The following CMPK2 variants were observed in gnomAD, a reference collection of about 807,000 sequenced individuals.
The protein encoded by CMPK2 is cytidine/uridine monophosphate kinase 2, also known as UMP-CMP kinase 2, mitochondrial.
Under a neutral mutation model 33.4 loss-of-function variants are expected in CMPK2, and 32 were observed. The ratio of observed to expected loss-of-function variants is 0.96; its 90% CI spans 0.72 to 1.29. CMPK2 has a LOEUF of 1.29. CMPK2 is among the 50% of genes most tolerant of loss of function. The pLI is 0.00. For synonymous variants in CMPK2, 299 were observed against 275.3 expected (o/e 1.09, Z -0.85); for missense variants, 672 against 616.0 (o/e 1.09, Z -0.96).
chr2:6,846,261 A>C (rs1449402328), downstream of CMPK2, among the ~76,000 whole-genome samples: 1 of 152,230 alleles, frequency 6.6e-6, no homozygotes, highest in Non-Finnish European at 1.5e-5. Flanking sequence ...AACTGTTTAA[A>C]TTCACTGGAC....
intron 3 of CMPK2, among the ~76,000 whole-genome samples, chr2:6,854,685 G>C (rs1259173241): frequency 1.3e-5 from 2 of 152,190 alleles, no homozygotes; most frequent in African/African-American, 4.8e-5. Context: ...CTGCTATCAG[G>C]GAAGCCACAT....
chr2:6,843,745 C>A (rs924791798), downstream of CMPK2, among the ~76,000 whole-genome samples: 5 of 152,176 alleles, frequency 3.3e-5, no homozygotes, highest in Admixed American at 2.6e-4. Context: ...CCCCCTACTA[C>A]AACCGAGGGG....
rs1383173490 is a variant in CMPK2 at position 6,849,172 on chromosome 2, G to A, written c.*678C>T. ...TTCAGAGAAGGTTGGTATATTTGCA[G>A]TTGGAGCATCTTGGCTTGAATGTCT... On this transcript the variant is annotated 3_prime_UTR_variant, in exon 5 of 5. Transcript: ENST00000256722. 2.6e-5 allele frequency: 26 copies of A among 985,254 alleles called. No individual in the cohort carries two copies. The Admixed American group carries it at 1.6e-3, about 61-fold the overall frequency. 61.0% of individuals were successfully genotyped at this position (985,254 alleles called of 1,614,324 possible).
In CMPK2 at chr2:6,865,485, C is replaced by T; in HGVS notation, c.212G>A (p.Arg71His). The T allele has an allele frequency of 7.9e-7, 1 of 1,270,014 alleles. No individual in the cohort carries two copies. The highest frequency in any genetic ancestry group is 9.9e-7 in the Non-Finnish European group (1 of 1,012,612). The allele number at this position is 1,270,014 out of a possible 1,614,324, so 78.7% of individuals were successfully genotyped here. ...RLAALLGPPE[R>H]SYSLCVPVTP... ...CACGGGCACGCACAGCGAGTAGCTG[C>T]GCTCCGGGGGCCCCAGCAGCGCCGC... Residue 71 changes from arginine to histidine, a missense_variant, in exon 1 of 5, where the codon CGC becomes CAC. Transcript: ENST00000256722.
rs1164734788 is a variant in CMPK2, at chr2:6,853,161, G to T, written c.993-1478C>A. ...GATGGGGTTTCATCATGCTGGCCAG[G>T]CTGGTCTCAAACTCCTGACCTCAGG... On this transcript the variant is annotated intron_variant, in intron 3 of 4. Transcript: ENST00000256722. 2.6e-5 allele frequency among the ~76,000 whole-genome samples: 4 copies of T among 152,124 alleles called. No homozygotes were observed. In the East Asian group the frequency reaches 5.8e-4, roughly 22 times the overall value.
At chr2:6,854,364 G>A (rs375997263) in intron 3 of CMPK2, among the ~76,000 whole-genome samples, 6 of 152,176 alleles carry the variant, frequency 3.9e-5, no homozygotes, top group East Asian at 3.8e-4. Context: ...AAAAATTACT[G>A]TCTCTCATAT....
In CMPK2 at chr2:6,865,121, G is replaced by A. The variant is rs1375133211; in HGVS notation, c.576C>T (p.Val192=). 1 of 1,515,990 alleles carries A rather than the reference G, an allele frequency of 6.6e-7. No individual in the cohort carries two copies. Among genetic ancestry groups the A allele is most frequent in the African/African-American group, 1.4e-5 (1 of 69,514 alleles). The allele number at this position is 1,515,990 out of a possible 1,614,324, so 93.9% of individuals were successfully genotyped here. A position where few individuals can be genotyped will look rare whatever the true frequency, so the allele number is the denominator to read the frequency against. The change falls in exon 1 of 5, where the codon GTC becomes GTT. Residue 192 remains valine (V), a synonymous_variant. Transcript: ENST00000256722. The stretch of plus-strand genomic sequence containing the variant: ...GCAGCGGGGGCTCCGGGACGGGCAC[G>A]ACCTGTGCGCAGCCCACCTGCAGCC... The part of the protein sequence containing the change: ...GRRLQVGCAQ[V]VPVPEPPLHP...
chr2:6,852,265 T>A (rs1662545964), intron 3 of CMPK2, among the ~76,000 whole-genome samples: 1 of 152,172 alleles, frequency 6.6e-6, no homozygotes, highest in African/African-American at 2.4e-5. Context: ...CCTAAGCAAG[T>A]CAGTCGCTCC....
Position 6,851,641 on chromosome 2 carries a change from C to T in CMPK2, c.1035G>A (p.Val345=), listed in dbSNP as rs1213208087. 6.2e-7 allele frequency: 1 copy of T among 1,614,142 alleles called. No homozygotes were observed. Among genetic ancestry groups the T allele is most frequent in the Non-Finnish European group, 8.5e-7 (1 of 1,180,024 alleles). ...STATYAIATE[V]SGGLQHLPPA... ...GGGGCAGGTGCTGGAGACCCCCACT[C>T]ACCTCAGTGGCTATGGCATAGGTGG... Residue 345 remains valine (V), a synonymous_variant, in exon 4 of 5, where the codon GTG becomes GTA. Transcript: ENST00000256722.
At chr2:6,850,621 T>C in intron 4 of CMPK2, 1 of 469,092 alleles carries the variant, frequency 2.1e-6, no homozygotes, top group Non-Finnish European at 2.8e-6. Context: ...CAGTTTCCTG[T>C]TCTGCAAAAT....
intron 1 of CMPK2, chr2:6,864,449 A>C (rs1662984894): frequency 6.6e-6 from 1 of 152,258 alleles, no homozygotes; most frequent in African/African-American, 2.4e-5. Context: ...CTAGCCTGCG[A>C]TCAGAAAGAA....
Position 6,849,706 on chromosome 2 carries a change from T to G in CMPK2, c.*144A>C. ...TCAGAAGAGGGTACGATGGCTGAAGTAAAATTAAGATGCCTGGTCTCCAGT... is the reference window on the plus strand; with the variant it reads ...TCAGAAGAGGGTACGATGGCTGAAGGAAAATTAAGATGCCTGGTCTCCAGT... On this transcript the variant is annotated 3_prime_UTR_variant, in exon 5 of 5. Transcript: ENST00000256722. 6.6e-7 allele frequency: 1 copy of G among 1,515,224 alleles called. No individual in the cohort carries two copies. Among genetic ancestry groups the G allele is most frequent in the South Asian group, 1.3e-5 (1 of 75,150 alleles). The allele number at this position is 1,515,224 out of a possible 1,614,324, so 93.9% of individuals were successfully genotyped here.
At chr2:6,855,967 T>A (rs1161873406) in intron 3 of CMPK2, among the ~76,000 whole-genome samples, 1 of 152,028 alleles carries the variant, frequency 6.6e-6, no homozygotes, top group Non-Finnish European at 1.5e-5. Flanking sequence ...CAGGAACAAG[T>A]GGAAAAACTA....
rs1425005816 is a variant in CMPK2, at chr2:6,865,149, C to T, written c.548G>A (p.Arg183Lys). The change falls in exon 1 of 5, where the codon AGG (arginine) becomes AAG (lysine). Residue 183 changes from arginine (R) to lysine (K), a missense_variant. Transcript: ENST00000256722. ...CTGTGCGCAGCCCACCTGCAGCCGC[C>T]TGCCGTCTTGCACCTCCCAGAGGCG... ...WQRLWEVQDG[R>K]RLQVGCAQVV... 12 of 1,532,176 alleles carry T rather than the reference C, an allele frequency of 7.8e-6. No individual in the cohort carries two copies. The highest frequency in any genetic ancestry group is 1.1e-5 in the Non-Finnish European group (12 of 1,140,818). The allele number at this position is 1,532,176 out of a possible 1,614,324, so 94.9% of individuals were successfully genotyped here. A position where few individuals can be genotyped will look rare whatever the true frequency, so the allele number is the denominator to read the frequency against.
At position 6,865,292 on chromosome 2, in the gene CMPK2, G is replaced by A. The variant is rs761985356; in HGVS notation, c.405C>T (p.Asp135=). The A allele has an allele frequency of 2.0e-5, 31 of 1,529,108 alleles. No homozygotes were observed. In the South Asian group the frequency reaches 2.4e-4, roughly 12 times the overall value. The allele number at this position is 1,529,108 out of a possible 1,614,324, so 94.7% of individuals were successfully genotyped here. A position where few individuals can be genotyped will look rare whatever the true frequency, so the allele number is the denominator to read the frequency against. ...GGAQQGFLLR[D]PLDDPDTRQA... is the part of the protein sequence containing the mutation. ...GCCGGGTGTCAGGGTCATCCAGGGG[G>A]TCGCGCAGCAGGAAGCCTTGCTGTG... is the stretch of plus-strand genomic sequence containing the variant. Residue 135 remains aspartate, a synonymous_variant, in exon 1 of 5, where the codon GAC becomes GAT. Transcript: ENST00000256722.
intron 3 of CMPK2, among the ~76,000 whole-genome samples, chr2:6,842,176 G>A (rs928130978): frequency 6.6e-6 from 1 of 152,134 alleles, no homozygotes; most frequent in African/African-American, 2.4e-5. Flanking sequence ...TTTCCTGGAT[G>A]TCCTCTCTGG....
At position 6,865,733 on chromosome 2, in the gene CMPK2, GA is replaced by G; in HGVS notation, c.-38del. The G allele has an allele frequency of 3.1e-6, 4 of 1,278,408 alleles. No homozygotes were observed. The highest frequency in any genetic ancestry group is 3.9e-6 in the Non-Finnish European group (4 of 1,013,762). 79.2% of individuals were successfully genotyped at this position (1,278,408 alleles called of 1,614,324 possible). A position where few individuals can be genotyped will look rare whatever the true frequency, so the allele number is the denominator to read the frequency against. ...CGACGCCGCCCTCGGCCCCGCCTCG[GA>G]AACGAAACCTGGCGGGAGCCAGGCG... On this transcript the variant is annotated 5_prime_UTR_variant, in exon 1 of 5. Transcript: ENST00000256722.
chr2:6,857,348 G>C (rs537354570), intron 3 of CMPK2, among the ~76,000 whole-genome samples: 12 of 84,182 alleles, frequency 1.4e-4, no homozygotes, highest in Non-Finnish European at 2.9e-4. Flanking sequence ...TTTTTTTTTT[G>C]AGACAAGGCC....
chr2:6,862,488 AT>A (rs1219176422), intron 2 of CMPK2, among the ~76,000 whole-genome samples: 6 of 152,184 alleles, frequency 3.9e-5, no homozygotes, highest in Non-Finnish European at 7.3e-5. Context: ...TTGAGGCTGA[AT>A]TTTTATGTCT....
Sources: allele counts gnomAD v4.1 joint callset (sites outside exome capture counted in the v4.1 genomes callset), GRCh38; gene constraint gnomAD v4.1.1; transcripts MANE v1.5; gene names NCBI Gene and HGNC (gene_info 2026-07-23, HGNC 2026-07-21).